KIF9: variants seen among roughly 807,000 people sequenced by gnomAD.
KIF9 encodes kinesin-like protein KIF9.
A neutral mutation model predicts 94.8 loss-of-function variants in KIF9; 68 were observed. The ratio of observed to expected loss-of-function variants is 0.72; its 90% CI spans 0.59 to 0.88. The LOEUF is 0.88. Among genes scored for constraint, KIF9 ranks in the 40% least tolerant of loss-of-function variants. KIF9 has a pLI of 0.00. For synonymous variants in KIF9, 343 were observed against 362.1 expected (o/e 0.95, Z 0.60); for missense variants, 882 against 982.5 (o/e 0.90, Z 1.37).
intron 10 of KIF9, chr3:47,250,494 T>C: frequency 2.4e-6 from 1 of 415,660 alleles, no homozygotes; most frequent in Non-Finnish European, 5.0e-6. Flanking sequence ...AGATTTTAGG[T>C]AAGTAAATAA....
At chr3:47,248,674 C>T (rs1700080409) in intron 10 of KIF9, among the ~76,000 whole-genome samples, 2 of 152,056 alleles carry the variant, frequency 1.3e-5, no homozygotes, top group Non-Finnish European at 2.9e-5. Context: ...AACTCCGGAC[C>T]TCAGGTGATG....
At chr3:47,238,135 G>T (rs1699175246) in intron 17 of KIF9, among the ~76,000 whole-genome samples, 1 of 151,862 alleles carries the variant, frequency 6.6e-6, no homozygotes, top group Non-Finnish European at 1.5e-5. Flanking sequence ...CTGGCCTCAA[G>T]TTCTTTTACA....
rs930870821 is a variant in KIF9, at chr3:47,282,585, G to A, written c.-96C>T. ...GCGGGGCTGCCTGGCTGTGTACATA[G>A]TCGCCATGGCAACGGGTCGCTTCCG... On this transcript the variant is annotated 5_prime_UTR_variant, in exon 1 of 21. Coordinates refer to ENST00000684063, the MANE Select transcript of KIF9 (RefSeq NM_182902.4). 1.8e-6 allele frequency: 2 copies of A among 1,086,538 alleles called. No homozygotes were observed. The highest frequency in any genetic ancestry group is 2.2e-6 in the Non-Finnish European group (2 of 889,066). The allele number at this position is 1,086,538 out of a possible 1,614,324, so 67.3% of individuals were successfully genotyped here. A position where few individuals can be genotyped will look rare whatever the true frequency, so the allele number is the denominator to read the frequency against.
intron 5 of KIF9, among the ~76,000 whole-genome samples, chr3:47,268,994 G>A (rs959018351): frequency 2.0e-5 from 3 of 151,942 alleles, no homozygotes; most frequent in East Asian, 1.9e-4. Flanking sequence ...GGCTGGTCTC[G>A]AACTCCTGAC....
At chr3:47,278,669 G>A (rs1287165567) in intron 1 of KIF9, among the ~76,000 whole-genome samples, 1 of 151,772 alleles carries the variant, frequency 6.6e-6, no homozygotes, top group East Asian at 1.9e-4. Flanking sequence ...TCTCTATAAA[G>A]AATACAAAAA....
chr3:47,258,060 G>A (rs1281567465), intron 9 of KIF9, among the ~76,000 whole-genome samples: 3 of 152,034 alleles, frequency 2.0e-5, no homozygotes, highest in Non-Finnish European at 4.4e-5. Context: ...TCAGGGTCTC[G>A]ATCAGCCATG....
At chr3:47,280,024 A>G (rs187997089) in intron 1 of KIF9, among the ~76,000 whole-genome samples, 1 of 152,220 alleles carries the variant, frequency 6.6e-6, no homozygotes, top group Admixed American at 6.5e-5. Flanking sequence ...GTGTGATTTC[A>G]GCTCACTGCA....
Position 47,282,797 on chromosome 3 carries a change from A to G in KIF9, c.-308T>C. On this transcript the variant is annotated 5_prime_UTR_variant, in exon 1 of 21. Transcript: ENST00000684063. ...AACGAAGGCCGCACATGAACCAGGA[A>G]GCGGAGTGGCGGGGCTTCCGGCGCC... 1 of 1,432,952 alleles carries G rather than the reference A, an allele frequency of 7.0e-7. No individual in the cohort carries two copies. The highest frequency in any genetic ancestry group is 1.5e-5 in the South Asian group (1 of 67,302). 88.8% of individuals were successfully genotyped at this position (1,432,952 alleles called of 1,614,324 possible).
chr3:47,246,302 AC>A, intron 12 of KIF9, 50 bp from the exon 13 acceptor site: 1 of 1,492,138 alleles, frequency 6.7e-7, no homozygotes, highest in East Asian at 2.3e-5. Flanking sequence ...ACCTCGAGGG[AC>A]CAGGGGGCAT....
At chr3:47,246,050 C>G in intron 13 of KIF9, 147 bp downstream of exon 13, 1 of 632,740 alleles carries the variant, frequency 1.6e-6, no homozygotes, top group Non-Finnish European at 2.8e-6. Context: ...TGAATATCCA[C>G]CAGGGACCCA....
chr3:47,239,885 G>A, intron 17 of KIF9: 1 of 1,367,908 alleles, frequency 7.3e-7, no homozygotes, highest in Non-Finnish European at 9.8e-7. Flanking sequence ...ATTTAGCGAG[G>A]GAAAGCCCAG....
intron 5 of KIF9, among the ~76,000 whole-genome samples, chr3:47,270,684 T>A (rs1181266193): frequency 6.6e-6 from 1 of 152,192 alleles, no homozygotes; most frequent in Non-Finnish European, 1.5e-5. Flanking sequence ...TACATTATTG[T>A]TGCCTTATGT....
intron 9 of KIF9, among the ~76,000 whole-genome samples, chr3:47,259,689 G>T (rs1258997939): frequency 6.7e-6 from 1 of 148,852 alleles, no homozygotes; most frequent in Admixed American, 6.8e-5. Flanking sequence ...TCTCTGAAAC[G>T]TGTGCTGTGT....
At chr3:47,261,058 T>C (rs1034096510) in intron 9 of KIF9, among the ~76,000 whole-genome samples, 3 of 152,104 alleles carry the variant, frequency 2.0e-5, no homozygotes, top group African/African-American at 4.8e-5. Context: ...TGGTAGGTGT[T>C]TGGTAAATGT....
At chr3:47,272,332 T>TA (rs1222604657) in intron 4 of KIF9, among the ~76,000 whole-genome samples, 1 of 152,208 alleles carries the variant, frequency 6.6e-6, no homozygotes, top group East Asian at 1.9e-4. Context: ...GCTGAGTATC[T>TA]AAAATGTGGC....
chr3:47,228,436 T>C lies in KIF9; in HGVS notation c.*216A>G. 1 of 603,978 alleles carries C rather than the reference T, an allele frequency of 1.7e-6. No homozygotes were observed. The highest frequency in any genetic ancestry group is 3.0e-6 in the Non-Finnish European group (1 of 334,108). The allele number at this position is 603,978 out of a possible 1,614,324, so 37.4% of individuals were successfully genotyped here. A position where few individuals can be genotyped will look rare whatever the true frequency, so the allele number is the denominator to read the frequency against. On this transcript the variant is annotated 3_prime_UTR_variant, in exon 21 of 21. Coordinates refer to ENST00000684063, the MANE Select transcript of KIF9 (RefSeq NM_182902.4). ...AAAGTTATTTTATCCTGTCCCTGCA[T>C]ATAAGACAGTGAATTAAAACCCAAA...
At chr3:47,232,180 C>A (rs564983587) in intron 20 of KIF9, among the ~76,000 whole-genome samples, 5 of 152,208 alleles carry the variant, frequency 3.3e-5, no homozygotes, top group African/African-American at 1.2e-4. Context: ...GAAGGCACCA[C>A]CTCTGAAGCG....
At chr3:47,265,902 T>G (rs764895031) in intron 7 of KIF9, 25 bp from the exon 8 acceptor site, 7 of 1,613,886 alleles carry the variant, frequency 4.3e-6, no homozygotes, top group Non-Finnish European at 5.9e-6. Context: ...TCAGTTCCAC[T>G]TTGGATGGAA....
rs770676963 is a variant in KIF9 at position 47,240,904 on chromosome 3, C to T, written c.1821G>A (p.Arg607=). ...GCTGTGTGGTCTCGCTGGCCCTTTT[C>T]CTCCGTTCATTCAAGATGGATTTGT... ...KENKSILNER[R]KRASETTQHI... Residue 607 remains arginine, a synonymous_variant, in exon 17 of 21, where the codon AGG becomes AGA. Coordinates refer to ENST00000684063, the MANE Select transcript of KIF9 (RefSeq NM_182902.4). 9.9e-6 allele frequency: 16 copies of T among 1,614,062 alleles called. No individual in the cohort carries two copies. In the African/African-American group the frequency reaches 2.1e-4, roughly 22 times the overall value.
Sources: gnomAD v4.1 joint callset for allele counts (sites outside exome capture counted in the v4.1 genomes callset) on GRCh38, gnomAD v4.1.1 for gene constraint, MANE v1.5 for transcripts, NCBI Gene and HGNC (gene_info 2026-07-23, HGNC 2026-07-21) for gene names.